PDE1C: variants seen among roughly 807,000 people sequenced by gnomAD.
The protein encoded by PDE1C is dual specificity calcium/calmodulin-dependent 3',5'-cyclic nucleotide phosphodiesterase 1C.
Under a neutral mutation model 93.1 loss-of-function variants are expected in PDE1C, and 62 were observed. The ratio of observed to expected loss-of-function variants is 0.67; its 90% confidence interval spans 0.54 to 0.82. The LOEUF (loss-of-function observed/expected upper bound fraction) is 0.82, where lower values mean the gene tolerates loss of function less well. Ranked by LOEUF, PDE1C falls within the 40% of genes least tolerant of loss-of-function variation. The pLI, the probability that PDE1C is intolerant of heterozygous loss-of-function variation, is 0.00. For synonymous variants in PDE1C, 325 were observed against 310.1 expected (o/e 1.05, Z -0.50); for missense variants, 742 against 884.6 (o/e 0.84, Z 2.04).
intron 1 of PDE1C, among the ~76,000 whole-genome samples, chr7:32,386,153 T>C (rs1479506897): frequency 6.9e-6 from 1 of 145,006 alleles, no homozygotes; most frequent in African/African-American, 2.6e-5. Context: ...ATGTCACAAC[T>C]ACAGGCAAGC....
chr7:31,902,828 A>G (rs1800151000), intron 2 of PDE1C, among the ~76,000 whole-genome samples: 1 of 151,362 alleles, frequency 6.6e-6, no homozygotes, highest in Admixed American at 6.6e-5. Flanking sequence ...AATATCGATT[A>G]ACATTAAAAA....
At chr7:31,896,993 G>T (rs994457403) in intron 2 of PDE1C, among the ~76,000 whole-genome samples, 4 of 152,186 alleles carry the variant, frequency 2.6e-5, no homozygotes, top group Non-Finnish European at 5.9e-5. Context: ...AGAAATCCAG[G>T]TTAAACTAAG....
intron 17 of PDE1C, among the ~76,000 whole-genome samples, chr7:31,766,117 G>C (rs541634273): frequency 6.6e-6 from 1 of 152,160 alleles, no homozygotes; most frequent in Non-Finnish European, 1.5e-5. Flanking sequence ...CGGCGCGGTG[G>C]CTCATGCCTG....
At chr7:31,876,082 A>G (rs1796554057) in intron 5 of PDE1C, among the ~76,000 whole-genome samples, 2 of 152,044 alleles carry the variant, frequency 1.3e-5, no homozygotes, top group South Asian at 4.2e-4. Context: ...TCTTTTTTCT[A>G]ACATGTAGTA....
At chr7:31,661,413 A>C in the PDE1C span, among the ~76,000 whole-genome samples, 2 of 152,290 alleles carry the variant, frequency 1.3e-5, no homozygotes, top group South Asian at 4.1e-4. Context: ...AAGAAAACTT[A>C]CATAATTGGG....
chr7:31,995,638 C>T (rs1046135826), intron 2 of PDE1C, among the ~76,000 whole-genome samples: 11 of 152,014 alleles, frequency 7.2e-5, no homozygotes, highest in Admixed American at 5.2e-4. Context: ...TATTGAATTG[C>T]TAGTTCCTCG....
intron 1 of PDE1C, among the ~76,000 whole-genome samples, chr7:32,393,159 T>C (rs1784782823): frequency 6.8e-6 from 1 of 148,098 alleles, no homozygotes; most frequent in African/African-American, 2.5e-5. Flanking sequence ...GCTGAACTCA[T>C]ACAAATAATG....
chr7:31,887,606 T>C (rs1798109906), intron 2 of PDE1C, among the ~76,000 whole-genome samples: 2 of 152,210 alleles, frequency 1.3e-5, no homozygotes, highest in South Asian at 2.1e-4. Flanking sequence ...ATTGACCTAG[T>C]TGGCATGGAC....
At chr7:32,192,822 C>T (rs189404999) in intron 2 of PDE1C, among the ~76,000 whole-genome samples, 1 of 152,248 alleles carries the variant, frequency 6.6e-6, no homozygotes, top group Non-Finnish European at 1.5e-5. Context: ...ACACAGTATG[C>T]ATCTCCACTT....
At chr7:32,083,798 T>G (rs1175246268) in intron 3 of PDE1C, among the ~76,000 whole-genome samples, 1 of 151,860 alleles carries the variant, frequency 6.6e-6, no homozygotes, top group Non-Finnish European at 1.5e-5. Context: ...GACAAGCAAA[T>G]GCTGAGAGAT....
intron 7 of PDE1C, among the ~76,000 whole-genome samples, chr7:31,860,014 T>C (rs927803165): frequency 1.3e-4 from 20 of 152,200 alleles, no homozygotes; most frequent in African/African-American, 4.8e-4. Flanking sequence ...ATTGCTACAA[T>C]GAACCTGATT....
chr7:32,401,802 G>A (rs958252136), intron 1 of PDE1C, among the ~76,000 whole-genome samples: 3 of 152,120 alleles, frequency 2.0e-5, no homozygotes, highest in African/African-American at 7.2e-5. Flanking sequence ...ACCTTGAAGG[G>A]GGCAACTCGC....
chr7:32,125,815 C>G (rs1799547455), intron 3 of PDE1C, among the ~76,000 whole-genome samples: 1 of 151,924 alleles, frequency 6.6e-6, no homozygotes, highest in South Asian at 2.1e-4. Context: ...CCTGCACATT[C>G]TGCATATGTA....
chr7:31,844,021 T>A (rs1471767811), intron 9 of PDE1C, among the ~76,000 whole-genome samples: 2 of 151,764 alleles, frequency 1.3e-5, no homozygotes, highest in Non-Finnish European at 3.0e-5. Flanking sequence ...CATTAACTGG[T>A]CTTTATGTTA....
chr7:32,203,497 C>T (rs1369391020), intron 2 of PDE1C, among the ~76,000 whole-genome samples: 1 of 152,128 alleles, frequency 6.6e-6, no homozygotes, highest in Non-Finnish European at 1.5e-5. Flanking sequence ...ATCATTCACC[C>T]AGCACAAAAA....
the PDE1C span, among the ~76,000 whole-genome samples, chr7:31,694,192 A>C: frequency 6.6e-6 from 1 of 152,202 alleles, no homozygotes; most frequent in Non-Finnish European, 1.5e-5. Flanking sequence ...GTGGATATTA[A>C]GAAAATGAGA....
At chr7:32,121,526 G>C (rs561394018) in intron 3 of PDE1C, among the ~76,000 whole-genome samples, 35 of 152,294 alleles carry the variant, frequency 2.3e-4, no homozygotes, top group African/African-American at 8.4e-4. Flanking sequence ...ACTAACAACA[G>C]ACCTTTCAGC....
At chr7:31,749,259 A>T (rs1359323463), downstream of PDE1C, among the ~76,000 whole-genome samples, 2 of 152,110 alleles carry the variant, frequency 1.3e-5, no homozygotes, top group African/African-American at 4.8e-5. Flanking sequence ...AATGGAAAAA[A>T]AAATAAACAA....
chr7:32,402,768 A>C (rs1444354749), intron 1 of PDE1C, among the ~76,000 whole-genome samples: 2 of 152,214 alleles, frequency 1.3e-5, no homozygotes, highest in Non-Finnish European at 2.9e-5. Flanking sequence ...TAATGTTAGC[A>C]TATCATCTGG....
Sources: allele counts gnomAD v4.1 joint callset (sites outside exome capture counted in the v4.1 genomes callset), GRCh38; gene constraint gnomAD v4.1.1; transcripts MANE v1.5; gene names NCBI Gene and HGNC (gene_info 2026-07-23, HGNC 2026-07-21).